Variants in DTNBP1 observed in about 807,000 individuals in gnomAD.
DTNBP1 encodes dystrobrevin binding protein 1.
Under a neutral mutation model 42.8 loss-of-function variants are expected in DTNBP1, and 35 were observed. The observed-to-expected ratio is 0.82, with a 90% CI of 0.63 to 1.09. The LOEUF is 1.09. Among genes scored for constraint, DTNBP1 ranks in the 50% least tolerant of loss-of-function variants. The probability of loss-of-function intolerance (pLI) is 0.00; values close to 1 mark genes in which losing one functional copy is unlikely to be tolerated. For missense variants in DTNBP1, 457 were observed against 424.2 expected (o/e 1.08, Z -0.68); for synonymous variants, 171 against 162.2 (o/e 1.05, Z -0.41).
chr6:15,557,084 C>A (rs1774567320), intron 7 of DTNBP1, among the ~76,000 whole-genome samples: 2 of 152,166 alleles, frequency 1.3e-5, no homozygotes, highest in Non-Finnish European at 2.9e-5. Context: ...CTAGGCTTCA[C>A]ACCTGGTACC....
At chr6:15,631,679 G>C (rs970065386) in intron 4 of DTNBP1, among the ~76,000 whole-genome samples, 3 of 152,262 alleles carry the variant, frequency 2.0e-5, no homozygotes, top group Admixed American at 6.5e-5. Context: ...ATGAATTGCA[G>C]ATGTGTCCAA....
At chr6:15,583,235 G>A (rs947602496) in intron 7 of DTNBP1, among the ~76,000 whole-genome samples, 12 of 152,048 alleles carry the variant, frequency 7.9e-5, no homozygotes, top group Non-Finnish European at 1.5e-4. Context: ...CTCCTGCCTC[G>A]GCCTTCCAAA....
intron 9 of DTNBP1, chr6:15,523,962 A>G (rs1343797211): frequency 1.6e-6 from 2 of 1,287,402 alleles, no homozygotes; most frequent in African/African-American, 1.5e-5. Flanking sequence ...CTGGTCTGAA[A>G]TTTGAAACGC....
chr6:15,627,233 C>CT, intron 5 of DTNBP1, 110 bp downstream of exon 5: 3 of 1,418,030 alleles, frequency 2.1e-6, no homozygotes, highest in Non-Finnish European at 2.9e-6. Context: ...CCAAAAAATC[C>CT]TGTTAACCCA....
chr6:15,594,135 T>C (rs1180376927), intron 6 of DTNBP1, among the ~76,000 whole-genome samples: 2 of 152,200 alleles, frequency 1.3e-5, no homozygotes, highest in Non-Finnish European at 2.9e-5. Context: ...CCATGGTTCA[T>C]AAACTATGCA....
intron 8 of DTNBP1, among the ~76,000 whole-genome samples, chr6:15,526,085 C>T (rs556060609): frequency 2.0e-4 from 31 of 152,194 alleles, no homozygotes; most frequent in African/African-American, 6.7e-4. Flanking sequence ...CAGAAGACTG[C>T]GGAGTAAGTT....
At chr6:15,585,956 T>G (rs1236668956) in intron 7 of DTNBP1, 35 of 1,332,200 alleles carry the variant, frequency 2.6e-5, no homozygotes, top group African/African-American at 4.4e-5. Context: ...CAGATATACA[T>G]TGGAATCTAC....
chr6:15,633,670 A>G (rs1429570812), intron 4 of DTNBP1, among the ~76,000 whole-genome samples: 2 of 152,204 alleles, frequency 1.3e-5, no homozygotes, highest in African/African-American at 4.8e-5. Flanking sequence ...GCTACAGAGG[A>G]ATCTTTTGTG....
chr6:15,652,446 T>C (rs1264329638), intron 1 of DTNBP1, among the ~76,000 whole-genome samples: 1 of 151,900 alleles, frequency 6.6e-6, no homozygotes, highest in Non-Finnish European at 1.5e-5. Flanking sequence ...CCTCCCAAAA[T>C]GCTGGGATTA....
At chr6:15,525,134 A>G (rs973480842) in intron 8 of DTNBP1, among the ~76,000 whole-genome samples, 3 of 152,222 alleles carry the variant, frequency 2.0e-5, no homozygotes, top group African/African-American at 7.2e-5. Flanking sequence ...TCTCGGGCCT[A>G]ACGGCAGAAG....
At chr6:15,524,279 C>CTTT (rs758882972) in intron 9 of DTNBP1, 1 of 1,607,954 alleles carries the variant, frequency 6.2e-7, no homozygotes, top group Non-Finnish European at 8.5e-7. Flanking sequence ...AACAAGAAAG[C>CTTT]TCTCAACTCA....
chr6:15,593,569 G>C (rs1049501327), intron 6 of DTNBP1, among the ~76,000 whole-genome samples: 15 of 152,176 alleles, frequency 9.9e-5, no homozygotes, highest in Non-Finnish European at 1.9e-4. Context: ...GCATATCAAA[G>C]GATTGAGGTG....
chr6:15,619,709 AAT>A (rs1379841772), intron 5 of DTNBP1, among the ~76,000 whole-genome samples: 2 of 152,164 alleles, frequency 1.3e-5, no homozygotes, highest in Non-Finnish European at 2.9e-5. Flanking sequence ...TTTTATTTTT[AAT>A]TAATCTTTGT....
At chr6:15,548,614 G>A (rs1456782417) in intron 7 of DTNBP1, among the ~76,000 whole-genome samples, 3 of 152,146 alleles carry the variant, frequency 2.0e-5, no homozygotes, top group Admixed American at 1.3e-4. Context: ...TATAAATGAT[G>A]TTGATGGAAT....
At chr6:15,523,776 G>C in intron 9 of DTNBP1, 3 of 1,287,196 alleles carry the variant, frequency 2.3e-6, no homozygotes, top group South Asian at 1.2e-5. Context: ...CTCAGGATGA[G>C]GGCAAATGCA....
At chr6:15,660,505 T>G (rs1297236947) in intron 1 of DTNBP1, 2 of 1,289,758 alleles carry the variant, frequency 1.6e-6, no homozygotes, top group Non-Finnish European at 2.0e-6. Flanking sequence ...TCCAGTGGTT[T>G]GTCAGCTGAA....
intron 6 of DTNBP1, among the ~76,000 whole-genome samples, chr6:15,614,481 C>T (rs1233500209): frequency 6.6e-6 from 1 of 152,166 alleles, no homozygotes; most frequent in African/African-American, 2.4e-5. Flanking sequence ...GCTTCAGTTC[C>T]AGAGGCGCCC....
At chr6:15,585,293 C>T (rs1301495715) in intron 7 of DTNBP1, among the ~76,000 whole-genome samples, 1 of 150,882 alleles carries the variant, frequency 6.6e-6, no homozygotes, top group Non-Finnish European at 1.5e-5. Context: ...CAAGGGATGC[C>T]GAATTAGTTT....
At chr6:15,599,364 C>T (rs1776634533) in intron 6 of DTNBP1, among the ~76,000 whole-genome samples, 1 of 152,146 alleles carries the variant, frequency 6.6e-6, no homozygotes, top group South Asian at 2.1e-4. Context: ...GAAAATGGGG[C>T]TTGAGGATGG....
Sources: allele counts gnomAD v4.1 joint callset (sites outside exome capture counted in the v4.1 genomes callset), GRCh38; gene constraint gnomAD v4.1.1; transcripts MANE v1.5; gene names NCBI Gene and HGNC (gene_info 2026-07-23, HGNC 2026-07-21).